Variants in FGF14 observed in about 807,000 individuals in gnomAD.
FGF14 encodes fibroblast growth factor homologous factor 4.
A neutral mutation model predicts 25.5 loss-of-function variants in FGF14; 5 were observed. The ratio of observed to expected loss-of-function variants is 0.20; its 90% CI spans 0.10 to 0.41. FGF14 has a LOEUF of 0.41. Among genes scored for constraint, FGF14 ranks in the 10% least tolerant of loss-of-function variants. The probability of loss-of-function intolerance (pLI) is 1.00; values close to 1 mark genes in which losing one functional copy is unlikely to be tolerated. For synonymous variants in FGF14, 138 were observed against 118.3 expected, an observed-to-expected ratio of 1.17 and a Z score of -1.08; for missense variants, 222 against 320.1, an observed-to-expected ratio of 0.69 and a Z score of 2.34.
At chr13:101,826,697 C>G (rs1247157841) in intron 3 of FGF14, among the ~76,000 whole-genome samples, 1 of 151,880 alleles carries the variant, frequency 6.6e-6, no homozygotes, top group African/African-American at 2.4e-5. Flanking sequence ...GATAAATGAG[C>G]TGGATAATTG....
At chr13:101,884,081 A>AAAAAAAAAAAAAAAC in intron 1 of FGF14, among the ~76,000 whole-genome samples, 1 of 149,472 alleles carries the variant, frequency 6.7e-6, no homozygotes, top group Admixed American at 6.7e-5. Context: ...AAAAAAAAAA[A>AAAAAAAAAAAAAAAC]AAAAAAGACA....
intron 1 of FGF14, among the ~76,000 whole-genome samples, chr13:102,297,852 A>T (rs530825174): frequency 1.3e-5 from 2 of 152,202 alleles, no homozygotes; most frequent in East Asian, 3.9e-4. Flanking sequence ...TTATTAAATG[A>T]ACCAAAACTA....
intron 1 of FGF14, among the ~76,000 whole-genome samples, chr13:102,082,590 A>T (rs1307033418): frequency 2.6e-5 from 4 of 152,220 alleles, no homozygotes; most frequent in African/African-American, 7.2e-5. Flanking sequence ...TCGGCATGAA[A>T]ATAGACGCGT....
intron 1 of FGF14, among the ~76,000 whole-genome samples, chr13:102,041,583 T>TAAAAAAAAAAAAAA (rs11430268): frequency 1.3e-4 from 19 of 141,950 alleles, no homozygotes; most frequent in African/African-American, 5.0e-4. Flanking sequence ...TGTTTCCATG[T>TAAAAAAAAAAAAAA]AAAAAAAAAA....
At chr13:102,227,364 C>A (rs2050871188) in intron 1 of FGF14, among the ~76,000 whole-genome samples, 1 of 152,148 alleles carries the variant, frequency 6.6e-6, no homozygotes, top group African/African-American at 2.4e-5. Context: ...TCCTAAGCCT[C>A]TCTTCCAGTC....
At chr13:102,163,812 G>T (rs2047883288) in intron 1 of FGF14, among the ~76,000 whole-genome samples, 2 of 151,536 alleles carry the variant, frequency 1.3e-5, no homozygotes, top group African/African-American at 4.8e-5. Flanking sequence ...TTAGTTCAAG[G>T]TAAAGAAATA....
chr13:102,340,058 TGTTTA>T (rs1566947555), intron 1 of FGF14, among the ~76,000 whole-genome samples: 1 of 152,204 alleles, frequency 6.6e-6, no homozygotes, highest in Non-Finnish European at 1.5e-5. Flanking sequence ...CACTTGGACT[TGTTTA>T]GTTTATTTTT....
chr13:102,370,408 G>A (rs1256809111), intron 1 of FGF14, among the ~76,000 whole-genome samples: 1 of 151,610 alleles, frequency 6.6e-6, no homozygotes, highest in Non-Finnish European at 1.5e-5. Flanking sequence ...TATATTTATG[G>A]GGTACATGTG....
chr13:102,243,502 A>T (rs2051704975), intron 1 of FGF14, among the ~76,000 whole-genome samples: 1 of 152,088 alleles, frequency 6.6e-6, no homozygotes, highest in South Asian at 2.1e-4. Flanking sequence ...TTCAATTGAA[A>T]CAATTAACAA....
intron 1 of FGF14, among the ~76,000 whole-genome samples, chr13:101,894,237 G>A (rs751484664): frequency 6.6e-6 from 1 of 152,042 alleles, no homozygotes; most frequent in Non-Finnish European, 1.5e-5. Flanking sequence ...ATACAAATAT[G>A]GAAGAGAAGA....
At chr13:101,948,470 A>AAAAAT (rs987611326) in intron 1 of FGF14, among the ~76,000 whole-genome samples, 1 of 146,044 alleles carries the variant, frequency 6.8e-6, no homozygotes, top group African/African-American at 2.6e-5. Context: ...ATAATAAAAA[A>AAAAAT]ATATATATAT....
chr13:102,300,866 T>C (rs148891564), intron 1 of FGF14, among the ~76,000 whole-genome samples: 281 of 151,938 alleles, frequency 1.8e-3, no homozygotes, highest in African/African-American at 6.4e-3. Context: ...GATCTAAATT[T>C]GCTTATATTC....
At position 101,781,049 on chromosome 13, in the gene FGF14, G is replaced by T. The variant is rs182025541; in HGVS notation, c.409-54239C>A. ...CGCTTGCTACTCATGGCCACCTCAC[G>T]GTTCTTACACTTGCTGTCCACCCCA... is the stretch of plus-strand genomic sequence containing the variant. On this transcript the variant is annotated intron_variant, in intron 3 of 4. Coordinates refer to ENST00000376143, the MANE Select transcript of FGF14 (RefSeq NM_004115.4). Among the ~76,000 whole-genome samples the T allele has an allele frequency of 3.3e-5, 5 of 151,916 alleles. No individual in the cohort carries two copies. The East Asian group carries it at 9.7e-4, about 30-fold the overall frequency.
At chr13:101,977,190 G>A (rs2037979248) in intron 1 of FGF14, among the ~76,000 whole-genome samples, 1 of 130,954 alleles carries the variant, frequency 7.6e-6, no homozygotes, top group Non-Finnish European at 1.7e-5. Flanking sequence ...GATCCCTCAT[G>A]CCCAGGACCC....
intron 3 of FGF14, chr13:101,778,782 C>T (rs1378048545): frequency 6.6e-6 from 1 of 152,034 alleles, no homozygotes; most frequent in Non-Finnish European, 1.5e-5. Flanking sequence ...TAGATAGACA[C>T]TGCTTGTAAT....
chr13:101,985,090 T>G lies in FGF14; in HGVS notation c.209-109794A>C, dbSNP rs7996014. Among the ~76,000 whole-genome samples, 674 of 151,386 alleles carry G rather than the reference T, an allele frequency of 4.5e-3. 4 individuals are homozygous for G. The highest frequency in any genetic ancestry group is 0.016 in the African/African-American group (642 of 41,416). ...AAGGGTTTTTTTTTTGTTTTTTTTT[T>G]TTTTGCCACAACAGCAACAAAAAAT... On this transcript the variant is annotated intron_variant, in intron 1 of 4. Transcript: ENST00000376131.
intron 1 of FGF14, among the ~76,000 whole-genome samples, chr13:102,361,533 G>C (rs2057565418): frequency 7.4e-6 from 1 of 135,472 alleles, no homozygotes; most frequent in Admixed American, 7.4e-5. Flanking sequence ...CAGTACTATA[G>C]GAATTTGTAA....
intron 1 of FGF14, among the ~76,000 whole-genome samples, chr13:102,102,375 G>A (rs541353846): frequency 1.2e-4 from 18 of 152,290 alleles, no homozygotes; most frequent in South Asian, 1.0e-3. Context: ...ACAAGCAATG[G>A]CAATGTAAGT....
At chr13:102,052,343 C>G (rs2042247122) in intron 1 of FGF14, among the ~76,000 whole-genome samples, 1 of 151,784 alleles carries the variant, frequency 6.6e-6, no homozygotes, top group African/African-American at 2.4e-5. Context: ...AAAAAAATAG[C>G]AAAAACTTTC....
Sources: gnomAD v4.1 joint callset for allele counts (sites outside exome capture counted in the v4.1 genomes callset) on GRCh38, gnomAD v4.1.1 for gene constraint, MANE v1.5 for transcripts, NCBI Gene and HGNC (gene_info 2026-07-23, HGNC 2026-07-21) for gene names.